The following PDE4D variants were observed in gnomAD, a reference collection of about 807,000 sequenced individuals.
PDE4D encodes 3',5'-cyclic-AMP phosphodiesterase 4D.
In PDE4D, 24 loss-of-function variants were observed where a neutral mutation model predicts 87.4. The ratio of observed to expected loss-of-function variants is 0.27; its 90% CI spans 0.20 to 0.39. PDE4D has a LOEUF of 0.39. Ranked by LOEUF, PDE4D falls within the 10% of genes least tolerant of loss-of-function variation. The pLI is 1.00. For synonymous variants in PDE4D, 384 were observed against 383.2 expected (o/e 1.00, Z -0.02); for missense variants, 714 against 1,041.0 (o/e 0.69, Z 4.32).
At chr5:59,961,670 G>C (rs936749083) in intron 3 of PDE4D, among the ~76,000 whole-genome samples, 13 of 152,144 alleles carry the variant, frequency 8.5e-5, no homozygotes, top group Non-Finnish European at 1.6e-4. Flanking sequence ...GTTAGATGGT[G>C]ATAATTGCTA....
rs1001668440 is a variant in PDE4D, at chr5:59,782,421, C to T, written c.455+110747G>A. On this transcript the variant is annotated intron_variant, in intron 1 of 14. Transcript: ENST00000340635. ...TCAATACATGTTTGGTTAAATAATT[C>T]CCCGTAAAAGATACTGACATGGAGA... Among the ~76,000 whole-genome samples, 3 of 152,110 alleles carry T rather than the reference C, an allele frequency of 2.0e-5. No homozygotes were observed. In the South Asian group the frequency reaches 6.2e-4, roughly 32 times the overall value.
At chr5:60,228,875 G>A (rs555940337) in intron 1 of PDE4D, among the ~76,000 whole-genome samples, 33 of 152,120 alleles carry the variant, frequency 2.2e-4, no homozygotes, top group Admixed American at 1.5e-3. Context: ...AAATACAGCC[G>A]TGAGTGACTG....
intron 1 of PDE4D, among the ~76,000 whole-genome samples, chr5:60,265,758 C>A (rs1200791142): frequency 1.3e-5 from 2 of 152,152 alleles, no homozygotes; most frequent in African/African-American, 4.8e-5. Flanking sequence ...CCATTAACAC[C>A]TTGCTCCTTC....
intron 1 of PDE4D, among the ~76,000 whole-genome samples, chr5:60,358,395 G>A (rs78788386): frequency 0.034 from 5,075 of 151,242 alleles, 126 homozygotes; most frequent in Middle Eastern, 0.078. Flanking sequence ...TTTGGCTTTT[G>A]GTTCTCTTAA....
chr5:60,416,456 C>T (rs1057369843), intron 1 of PDE4D, among the ~76,000 whole-genome samples: 4 of 152,272 alleles, frequency 2.6e-5, no homozygotes, highest in East Asian at 3.9e-4. Context: ...AGCTTCACTC[C>T]GGAAGCCAGC....
chr5:59,354,278 T>C (rs1780992736), intron 1 of PDE4D, among the ~76,000 whole-genome samples: 1 of 152,210 alleles, frequency 6.6e-6, no homozygotes. Context: ...CAAAGCCTCT[T>C]AAAGGTCAAG....
chr5:60,058,350 C>T (rs940788936), intron 2 of PDE4D, among the ~76,000 whole-genome samples: 2 of 151,818 alleles, frequency 1.3e-5, no homozygotes, highest in Admixed American at 6.6e-5. Flanking sequence ...TAAGAGATTA[C>T]TATTCTGCAA....
intron 1 of PDE4D, among the ~76,000 whole-genome samples, chr5:59,818,005 A>G (rs7706573): frequency 0.035 from 5,270 of 152,238 alleles, 145 homozygotes; most frequent in African/African-American, 0.063. Flanking sequence ...GGGTGGAGAG[A>G]GATCAAGAGA....
chr5:59,140,307 G>A (rs1700818053), intron 5 of PDE4D, among the ~76,000 whole-genome samples: 4 of 152,268 alleles, frequency 2.6e-5, no homozygotes, highest in African/African-American at 9.6e-5. Flanking sequence ...GATGATGCCT[G>A]GTCTAAGAGC....
chr5:59,811,304 C>T (rs1440742880), intron 1 of PDE4D, among the ~76,000 whole-genome samples: 1 of 152,174 alleles, frequency 6.6e-6, no homozygotes, highest in African/African-American at 2.4e-5. Context: ...TCCACTCTAC[C>T]TCATTATCCA....
chr5:60,322,464 C>T (rs1756397598), intron 1 of PDE4D, among the ~76,000 whole-genome samples: 2 of 151,732 alleles, frequency 1.3e-5, no homozygotes, highest in East Asian at 3.9e-4. Context: ...ACACCTTTAC[C>T]TCTCTTTCTT....
At position 59,813,632 on chromosome 5, in the gene PDE4D, T is replaced by C. The variant is rs1349848366; in HGVS notation, c.455+79536A>G. Among the ~76,000 whole-genome samples the C allele has an allele frequency of 2.6e-5, 4 of 152,222 alleles. No homozygotes were observed. In the East Asian group the frequency reaches 7.7e-4, roughly 29 times the overall value. On this transcript the variant is annotated intron_variant, in intron 1 of 14. Coordinates refer to ENST00000340635, the MANE Select transcript of PDE4D (RefSeq NM_001104631.2). Reference sequence around the variant, plus strand: ...GTTTTTCAGTTTTCCTTTTTTCTTATAATGGCAAGAACATTTGACTAAGAG... The same window carrying C: ...GTTTTTCAGTTTTCCTTTTTTCTTACAATGGCAAGAACATTTGACTAAGAG...
chr5:60,061,688 C>T (rs992995754), intron 2 of PDE4D, among the ~76,000 whole-genome samples: 1 of 152,090 alleles, frequency 6.6e-6, no homozygotes, highest in South Asian at 2.1e-4. Flanking sequence ...AACTATACTG[C>T]AAGGCTACAG....
chr5:59,254,746 C>T (rs555497870), intron 1 of PDE4D, among the ~76,000 whole-genome samples: 12 of 152,190 alleles, frequency 7.9e-5, no homozygotes, highest in African/African-American at 2.9e-4. Context: ...CCCCTTCTAC[C>T]TCAGATTCCA....
chr5:60,386,270 T>C (rs1410147778), intron 1 of PDE4D, among the ~76,000 whole-genome samples: 5 of 152,216 alleles, frequency 3.3e-5, no homozygotes, highest in African/African-American at 7.2e-5. Context: ...TCAATTTTTT[T>C]CACTCTGCTT....
At chr5:59,674,525 T>C (rs879611770) in intron 1 of PDE4D, among the ~76,000 whole-genome samples, 16 of 152,220 alleles carry the variant, frequency 1.1e-4, no homozygotes, top group Non-Finnish European at 2.1e-4. Flanking sequence ...ACTTTTCTAT[T>C]GTATGATTCT....
At chr5:60,097,939 T>C (rs1775840034) in intron 2 of PDE4D, among the ~76,000 whole-genome samples, 1 of 151,994 alleles carries the variant, frequency 6.6e-6, no homozygotes, top group Non-Finnish European at 1.5e-5. Context: ...AGTTGCAGTG[T>C]CACTGGGTGT....
chr5:59,199,998 G>A (rs563348117), intron 2 of PDE4D, among the ~76,000 whole-genome samples: 45 of 148,620 alleles, frequency 3.0e-4, no homozygotes, highest in African/African-American at 6.4e-4. Context: ...ATGCATACAT[G>A]CATGCAACAT....
At chr5:60,282,040 G>A (rs911447732) in intron 1 of PDE4D, among the ~76,000 whole-genome samples, 11 of 149,858 alleles carry the variant, frequency 7.3e-5, no homozygotes, top group African/African-American at 2.7e-4. Context: ...AAAAAAAAAT[G>A]AGAGATACTC....
Sources: allele counts gnomAD v4.1 joint callset (sites outside exome capture counted in the v4.1 genomes callset), GRCh38; gene constraint gnomAD v4.1.1; transcripts MANE v1.5; gene names NCBI Gene and HGNC (gene_info 2026-07-23, HGNC 2026-07-21).